The following SLC36A1 variants were observed in gnomAD, a reference collection of about 807,000 sequenced individuals.
SLC36A1 encodes solute carrier family 36 member 1.
In SLC36A1, 30 loss-of-function variants were observed where a neutral mutation model predicts 47.5. That is an observed-to-expected ratio of 0.63 (90% CI 0.47 to 0.86). SLC36A1 has a LOEUF of 0.86. Among genes scored for constraint, SLC36A1 ranks in the 40% least tolerant of loss-of-function variants. The probability of loss-of-function intolerance (pLI) is 0.00; values close to 1 mark genes in which losing one functional copy is unlikely to be tolerated. For missense variants in SLC36A1, 517 were observed against 606.0 expected (o/e 0.85, Z 1.54); for synonymous variants, 255 against 249.7 (o/e 1.02, Z -0.20).
the SLC36A1 span, chr5:151,510,076 T>C: frequency 6.2e-7 from 1 of 1,614,184 alleles, no homozygotes; most frequent in Non-Finnish European, 8.5e-7. Context: ...GGGGAGAGGA[T>C]GCAAGTTCCA....
At position 151,488,582 on chromosome 5, in the gene SLC36A1, T is replaced by C. The variant is rs1581234353; in HGVS notation, c.*328T>C. The stretch of plus-strand genomic sequence containing the variant: ...TGGTGCACCTCGCCCAACTCATTCT[T>C]ACTGCACAGTTCACTTTATTTAACA... On this transcript the variant is annotated 3_prime_UTR_variant, in exon 11 of 11. Transcript: ENST00000243389. 1.8e-5 allele frequency: 6 copies of C among 329,896 alleles called. No individual in the cohort carries two copies. The East Asian group carries it at 3.7e-4, about 20-fold the overall frequency. 20.4% of individuals were successfully genotyped at this position (329,896 alleles called of 1,614,324 possible).
the SLC36A1 span, among the ~76,000 whole-genome samples, chr5:151,408,887 G>GT: frequency 6.6e-6 from 1 of 152,050 alleles, no homozygotes; most frequent in Non-Finnish European, 1.5e-5. Context: ...TTGTTTGTTT[G>GT]TTTTTTCTGA....
chr5:151,512,672 GC>G, the SLC36A1 span: 1 of 1,387,320 alleles, frequency 7.2e-7, no homozygotes, highest in Non-Finnish European at 9.8e-7. This position sits in a 1 kb window ranked among gnomAD's most constrained non-coding sequence, Gnocchi z 4.1. Context: ...CTAAGAGGCT[GC>G]CAGTTCAAAG....
chr5:151,534,961 T>C, the SLC36A1 span, among the ~76,000 whole-genome samples: 38 of 78,212 alleles, frequency 4.9e-4, no homozygotes, highest in African/African-American at 1.6e-3. Flanking sequence ...GTAATTCCAC[T>C]TCTAGGAAAA....
At chr5:151,459,584 CA>C (rs1170739645) in intron 2 of SLC36A1, among the ~76,000 whole-genome samples, 2 of 152,200 alleles carry the variant, frequency 1.3e-5, no homozygotes, top group African/African-American at 4.8e-5. Flanking sequence ...TTAGAAAATT[CA>C]GAGGAAGTTT....
At chr5:151,500,394 A>G in the SLC36A1 span, among the ~76,000 whole-genome samples, 1 of 150,700 alleles carries the variant, frequency 6.6e-6, no homozygotes, top group Admixed American at 6.6e-5. Context: ...TTGAGACGGA[A>G]TCTCGTTCTG....
chr5:151,551,621 G>A, the SLC36A1 span: 10 of 1,613,532 alleles, frequency 6.2e-6, no homozygotes, highest in Non-Finnish European at 7.6e-6. Context: ...AGTGGGAGTG[G>A]GGAGAAAGCA....
chr5:151,525,781 T>C, the SLC36A1 span: 1 of 1,614,206 alleles, frequency 6.2e-7, no homozygotes, highest in Admixed American at 1.7e-5. Flanking sequence ...GATCTGAAGC[T>C]GATACCATTC....
chr5:151,543,448 C>A, the SLC36A1 span: 3 of 1,614,126 alleles, frequency 1.9e-6, no homozygotes, highest in Non-Finnish European at 1.7e-6. Flanking sequence ...TCCTCCATCC[C>A]GAGCCATGAC....
At chr5:151,429,749 A>G in the SLC36A1 span, among the ~76,000 whole-genome samples, 1 of 152,254 alleles carries the variant, frequency 6.6e-6, no homozygotes, top group South Asian at 2.1e-4. Context: ...CTTAGAAGCC[A>G]TTTAGCTCAA....
At chr5:151,527,421 C>T in the SLC36A1 span, 1 of 1,529,788 alleles carries the variant, frequency 6.5e-7, no homozygotes, top group South Asian at 1.3e-5. Context: ...AGGTAGCTGT[C>T]CCTCACTTCT....
At chr5:151,373,660 A>T in the SLC36A1 span, among the ~76,000 whole-genome samples, 1 of 152,256 alleles carries the variant, frequency 6.6e-6, no homozygotes. Context: ...TTCCAGACAG[A>T]AACTTACATC....
At chr5:151,542,144 G>C in the SLC36A1 span, 48 of 687,218 alleles carry the variant, frequency 7.0e-5, no homozygotes, top group Non-Finnish European at 1.0e-4. Flanking sequence ...TGGAGAAACT[G>C]AGGTCCTAGG....
chr5:151,528,125 C>A, the SLC36A1 span: 2 of 1,613,830 alleles, frequency 1.2e-6, no homozygotes, highest in Admixed American at 1.7e-5. Flanking sequence ...CTTCATCAGT[C>A]GCTGATACCT....
At chr5:151,388,561 A>G in the SLC36A1 span, among the ~76,000 whole-genome samples, 2 of 151,658 alleles carry the variant, frequency 1.3e-5, no homozygotes, top group Non-Finnish European at 2.9e-5. Flanking sequence ...CAGAAAATGT[A>G]TAAAACCTAG....
chr5:151,383,642 G>A, the SLC36A1 span, among the ~76,000 whole-genome samples: 1 of 142,910 alleles, frequency 7.0e-6, no homozygotes, highest in Non-Finnish European at 1.5e-5. Flanking sequence ...GCACCATCTC[G>A]GCTCACTGCA....
intron 10 of SLC36A1, among the ~76,000 whole-genome samples, chr5:151,483,427 C>T (rs748075238): frequency 1.1e-4 from 17 of 151,584 alleles, no homozygotes; most frequent in Non-Finnish European, 1.9e-4. Flanking sequence ...CTTTTGTACA[C>T]GCCACAGCTG....
chr5:151,351,679 A>G, the SLC36A1 span, among the ~76,000 whole-genome samples: 3 of 152,142 alleles, frequency 2.0e-5, no homozygotes, highest in Admixed American at 6.5e-5. Flanking sequence ...TCATACTGTA[A>G]CGAGAGCTAC....
chr5:151,543,461 T>G, the SLC36A1 span: 2 of 1,614,080 alleles, frequency 1.2e-6, no homozygotes, highest in African/African-American at 1.3e-5. Flanking sequence ...GCCATGACCT[T>G]AATAGCAATG....
Sources: gnomAD v4.1 joint callset for allele counts (sites outside exome capture counted in the v4.1 genomes callset) on GRCh38, gnomAD v4.1.1 for gene constraint, Gnocchi (gnomAD v3.1) non-coding constraint, MANE v1.5 for transcripts, NCBI Gene and HGNC (gene_info 2026-07-23, HGNC 2026-07-21) for gene names.